Variants in CNDP1 observed in about 807,000 individuals in gnomAD.
The protein encoded by CNDP1 is carnosine dipeptidase 1, also known as beta-Ala-His dipeptidase.
CNDP1 carries 44 observed loss-of-function variants against 58.1 expected under a neutral mutation model. The ratio of observed to expected loss-of-function variants is 0.76; its 90% CI spans 0.60 to 0.97. The LOEUF (loss-of-function observed/expected upper bound fraction) is 0.97, where lower values mean the gene tolerates loss of function less well. Ranked by LOEUF, CNDP1 falls within the 50% of genes least tolerant of loss-of-function variation. The pLI, the probability that CNDP1 is intolerant of heterozygous loss-of-function variation, is 0.00. For missense variants in CNDP1, 616 were observed against 655.1 expected, an observed-to-expected ratio of 0.94 and a Z score of 0.65; for synonymous variants, 254 against 252.6, an observed-to-expected ratio of 1.01 and a Z score of -0.05.
At chr18:74,561,923 T>C in intron 4 of CNDP1, 124 bp from the exon 5 acceptor site, 1 of 738,702 alleles carries the variant, frequency 1.4e-6, no homozygotes, top group East Asian at 2.7e-5. Flanking sequence ...CATGCAAGAT[T>C]TGAGCCTGCA....
At chr18:74,563,211 C>T (rs919057778) in intron 5 of CNDP1, among the ~76,000 whole-genome samples, 6 of 152,170 alleles carry the variant, frequency 3.9e-5, no homozygotes, top group Non-Finnish European at 7.3e-5. Context: ...CTGAGTCTCA[C>T]AGAAGACACC....
intron 5 of CNDP1, among the ~76,000 whole-genome samples, chr18:74,562,377 A>G (rs988140945): frequency 2.6e-5 from 4 of 152,230 alleles, no homozygotes; most frequent in African/African-American, 9.6e-5. Flanking sequence ...GATGGATTCC[A>G]GCCTGCACTG....
In CNDP1 at chr18:74,559,355, C is replaced by T. The variant is rs766013966; in HGVS notation, c.186C>T (p.Asp62=). The T allele has an allele frequency of 2.5e-6, 4 of 1,614,096 alleles. No individual in the cohort carries two copies. The South Asian group carries it at 4.4e-5, about 18-fold the overall frequency. The part of the protein sequence containing the change: ...TLKEWVAIES[D]SVQPVPRFRQ... ...AGGAGTGGGTGGCCATCGAGAGCGA[C>T]TCTGTCCAGCCTGTGCCTCGCTTCA... Residue 62 remains aspartate (D), a synonymous_variant, in exon 3 of 12, where the codon GAC becomes GAT. Transcript: ENST00000358821.
At chr18:74,571,026 A>G (rs1195263773) in intron 6 of CNDP1, among the ~76,000 whole-genome samples, 160 bp from the exon 7 acceptor site, 1 of 152,204 alleles carries the variant, frequency 6.6e-6, no homozygotes, top group Non-Finnish European at 1.5e-5. Flanking sequence ...TAGGAAATCC[A>G]GTCCCCATGA....
intron 10 of CNDP1, among the ~76,000 whole-genome samples, chr18:74,580,495 T>C (rs1440187070): frequency 6.6e-6 from 1 of 152,208 alleles, no homozygotes; most frequent in Non-Finnish European, 1.5e-5. Flanking sequence ...AAATGCAGGC[T>C]TACAGACATG....
At chr18:74,557,285 A>G (rs2144653239) in intron 2 of CNDP1, among the ~76,000 whole-genome samples, 1 of 152,016 alleles carries the variant, frequency 6.6e-6, no homozygotes, top group Non-Finnish European at 1.5e-5. Flanking sequence ...GCAGTGGCAC[A>G]AACACAGCTC....
Position 74,534,674 on chromosome 18 carries a change from C to A in CNDP1, c.7C>A (p.Pro3Thr). The A allele has an allele frequency of 6.2e-7, 1 of 1,614,136 alleles. No homozygotes were observed. The highest frequency in any genetic ancestry group is 1.3e-5 in the African/African-American group (1 of 75,036). ...GCTTCAGAACTCCAGCCTAATGGAT[C>A]CCAAACTCGGGAGAATGGTGAGTAG... Reference protein sequence around the residue: MDPKLGRMAASLL... With the variant: MDTKLGRMAASLL... The change falls in exon 1 of 12, where the codon CCC becomes ACC. Residue 3 changes from proline (P) to threonine (T), a missense_variant. Pro to Thr is a conservative substitution (Grantham distance 38). Transcript: ENST00000358821.
chr18:74,551,342 C>T (rs2144647755), intron 1 of CNDP1, among the ~76,000 whole-genome samples: 1 of 146,338 alleles, frequency 6.8e-6, no homozygotes, highest in South Asian at 2.2e-4. Flanking sequence ...ATAACTAGTT[C>T]AAGGTCAAGC....
At chr18:74,541,847 G>C (rs2144639694) in intron 1 of CNDP1, among the ~76,000 whole-genome samples, 1 of 152,312 alleles carries the variant, frequency 6.6e-6, no homozygotes, top group South Asian at 2.1e-4. Flanking sequence ...TGGGACAAAG[G>C]TACCTTTCAT....
In CNDP1 at chr18:74,558,341, C is replaced by T. The variant is rs1207208995; in HGVS notation, c.154-982C>T. On this transcript the variant is annotated intron_variant, in intron 2 of 11. Coordinates refer to ENST00000358821, the MANE Select transcript of CNDP1 (RefSeq NM_032649.6). ...GTGCTGGGCACTGTGCACACGTTAC[C>T]TCAGTGGTCCTCACCATCACCCTAT... is the stretch of plus-strand genomic sequence containing the variant. Among the ~76,000 whole-genome samples the T allele has an allele frequency of 8.6e-5, 13 of 151,772 alleles. No individual in the cohort carries two copies. The East Asian group carries it at 2.3e-3, about 27-fold the overall frequency.
In CNDP1 at chr18:74,567,344, T is replaced by A; in HGVS notation, c.667T>A (p.Tyr223Asn). 1.2e-6 allele frequency: 2 copies of A among 1,614,182 alleles called. No individual in the cohort carries two copies. The highest frequency in any genetic ancestry group is 1.7e-6 in the Non-Finnish European group (2 of 1,180,014). Residue 223 changes from tyrosine (Y) to asparagine (N), a missense_variant, in exon 6 of 12, where the codon TAC (tyrosine) becomes AAC (asparagine). Transcript: ENST00000358821. ...GGACCGATTCTTCTCTGGTGTGGAC[T>A]ACATTGTAATTTCAGATAACCTGTG... ...EKDRFFSGVD[Y>N]IVISDNLWIS... is the part of the protein sequence containing the mutation.
chr18:74,560,578 G>A (rs530855509), intron 3 of CNDP1, among the ~76,000 whole-genome samples: 8 of 152,148 alleles, frequency 5.3e-5, no homozygotes, highest in East Asian at 3.9e-4. Context: ...GGTGGTGCAC[G>A]TCTGTAGTCT....
rs369976989 is a variant in CNDP1, at chr18:74,575,602, A to G, written c.842-1267A>G. On this transcript the variant is annotated intron_variant, in intron 7 of 11. Transcript: ENST00000358821. The stretch of plus-strand genomic sequence containing the variant: ...TTTTTTCCATTTGTATTGATCTCCA[A>G]ACTCTTTCATGAAGAGCACACTAGT... 8.8e-4 allele frequency among the ~76,000 whole-genome samples: 134 copies of G among 152,308 alleles called. 5 individuals carry two copies. In the South Asian group the frequency reaches 0.026, roughly 29 times the overall value.
chr18:74,558,396 T>TTTTC (rs1555709549), intron 2 of CNDP1, among the ~76,000 whole-genome samples: 2 of 139,650 alleles, frequency 1.4e-5, no homozygotes, highest in East Asian at 2.1e-4. Context: ...CTTTTTCTTT[T>TTTTC]TTTTTTTTTT....
chr18:74,584,075 G>A, intron 11 of CNDP1: 1 of 299,766 alleles, frequency 3.3e-6, no homozygotes, highest in Non-Finnish European at 6.3e-6. Context: ...GACACACTGG[G>A]GGGTTAGGGG....
At chr18:74,579,978 A>T in intron 9 of CNDP1, 152 bp from the exon 10 acceptor site, 1 of 686,272 alleles carries the variant, frequency 1.5e-6, no homozygotes, top group Non-Finnish European at 2.5e-6. Context: ...AGGGAAAATC[A>T]CAACACTTGC....
In CNDP1 at chr18:74,579,138, GCCTCTCTCCTGC is replaced by G. The variant is rs200845691; in HGVS notation, c.1167+822_1167+833del. Among the ~76,000 whole-genome samples, 588 of 125,248 alleles carry G rather than the reference GCCTCTCTCCTGC, an allele frequency of 4.7e-3. 3 individuals carry two copies. The highest frequency in any genetic ancestry group is 0.018 in the African/African-American group (557 of 31,588). 82.2% of individuals were successfully genotyped at this position (125,248 alleles called of 152,430 possible). A position where few individuals can be genotyped will look rare whatever the true frequency, so the allele number is the denominator to read the frequency against. On this transcript the variant is annotated intron_variant, in intron 9 of 11. Coordinates refer to ENST00000358821, the MANE Select transcript of CNDP1 (RefSeq NM_032649.6). Reference sequence around the variant, plus strand: ...TCCCTCCTTCCTTCCTTCCTTCCCTGCCTCTCTCCTGCCCTCTCTCCTCCCTCTCTCCCTTCT... The same window carrying G: ...TCCCTCCTTCCTTCCTTCCTTCCCTGCCTCTCTCCTCCCTCTCTCCCTTCT...
intron 1 of CNDP1, among the ~76,000 whole-genome samples, chr18:74,540,463 G>A (rs962183744): frequency 3.3e-5 from 5 of 152,118 alleles, no homozygotes; most frequent in Non-Finnish European, 5.9e-5. Context: ...TCTGAACTCT[G>A]CCCTGAATTT....
chr18:74,536,759 A>G (rs912607719), intron 1 of CNDP1, among the ~76,000 whole-genome samples: 1 of 152,240 alleles, frequency 6.6e-6, no homozygotes, highest in Non-Finnish European at 1.5e-5. Context: ...CACTCCTACC[A>G]ACAACGTATA....
Sources: gnomAD v4.1 joint callset for allele counts (sites outside exome capture counted in the v4.1 genomes callset) on GRCh38, gnomAD v4.1.1 for gene constraint, MANE v1.5 for transcripts, NCBI Gene and HGNC (gene_info 2026-07-23, HGNC 2026-07-21) for gene names.